Variants in AGT observed in about 807,000 individuals in gnomAD.
AGT encodes the protein alpha-1 antiproteinase, antitrypsin.
Under a neutral mutation model 28.1 loss-of-function variants are expected in AGT, and 26 were observed. The ratio of observed to expected loss-of-function variants is 0.92; its 90% CI spans 0.68 to 1.28. AGT has a LOEUF of 1.28. AGT is among the 50% of genes most tolerant of loss of function. The pLI is 0.00. For missense variants in AGT, 596 were observed against 592.3 expected (o/e 1.01, Z -0.06); for synonymous variants, 259 against 259.6 (o/e 1.00, Z 0.02).
At chr1:230,728,740 G>T (rs12136490) in intron 1 of AGT, among the ~76,000 whole-genome samples, 2,237 of 152,238 alleles carry the variant, frequency 0.015, 25 homozygotes, top group Non-Finnish European at 0.024. Flanking sequence ...GAAAAGGTTT[G>T]TGTGTACTCT....
chr1:230,719,684 G>A (rs1476745684), intron 1 of AGT, among the ~76,000 whole-genome samples: 1 of 152,144 alleles, frequency 6.6e-6, no homozygotes, highest in African/African-American at 2.4e-5. Flanking sequence ...CGGAATTACA[G>A]GCATGAGCCA....
intron 1 of AGT, among the ~76,000 whole-genome samples, chr1:230,740,843 G>A (rs1664235300): frequency 6.6e-6 from 1 of 152,152 alleles, no homozygotes; most frequent in South Asian, 2.1e-4. Context: ...TAGCTACTTG[G>A]GAGGCTGAGG....
intron 1 of AGT, 148 bp from the exon 2 acceptor site, chr1:230,711,001 A>G: frequency 8.9e-7 from 1 of 1,127,252 alleles, no homozygotes; most frequent in Non-Finnish European, 1.3e-6. Flanking sequence ...GAAGAAATGG[A>G]TTCAAAGCTC....
chr1:230,706,549 A>G (rs1663392559), intron 2 of AGT, among the ~76,000 whole-genome samples: 1 of 152,172 alleles, frequency 6.6e-6, no homozygotes, highest in Admixed American at 6.5e-5. Context: ...TCCTGACCCA[A>G]AGGCTGTGGT....
rs540939716 is a variant in AGT at position 230,709,531 on chromosome 1, T to C, written c.829+464A>G. ...GGGATTTAAGCAAGCCAATTGCTTATTTCTGCATGGGCCAGGGACCCCAGT... is the reference window on the plus strand; with the variant it reads ...GGGATTTAAGCAAGCCAATTGCTTACTTCTGCATGGGCCAGGGACCCCAGT... On this transcript the variant is annotated intron_variant, in intron 2 of 4. Coordinates refer to ENST00000366667, the MANE Select transcript of AGT (RefSeq NM_001384479.1). Among the ~76,000 whole-genome samples, 16 of 152,290 alleles carry C rather than the reference T, an allele frequency of 1.1e-4. No individual in the cohort carries two copies. In the South Asian group the frequency reaches 2.7e-3, roughly 26 times the overall value.
At chr1:230,741,045 C>T (rs954780655) in intron 1 of AGT, among the ~76,000 whole-genome samples, 1 of 152,178 alleles carries the variant, frequency 6.6e-6, no homozygotes, top group Admixed American at 6.5e-5. Flanking sequence ...TAGCATCAAC[C>T]TCCAGCTCCT....
chr1:230,706,395 C>G (rs781669408), intron 2 of AGT, among the ~76,000 whole-genome samples, 195 bp from the exon 3 acceptor site: 4 of 152,124 alleles, frequency 2.6e-5, no homozygotes, highest in Non-Finnish European at 5.9e-5. Flanking sequence ...CTGTAAAATG[C>G]AGCCATTTGA....
chr1:230,709,108 T>C (rs1663484652), intron 2 of AGT, among the ~76,000 whole-genome samples: 1 of 152,240 alleles, frequency 6.6e-6, no homozygotes, highest in Admixed American at 6.5e-5. Context: ...CTGAGTTACC[T>C]TGTGGAGCAC....
At chr1:230,709,081 A>G (rs1267005269) in intron 2 of AGT, among the ~76,000 whole-genome samples, 3 of 152,200 alleles carry the variant, frequency 2.0e-5, no homozygotes, top group South Asian at 4.1e-4. Flanking sequence ...CTGTCCTCTG[A>G]GAGCCCCGAG....
chr1:230,719,623 G>T (rs1214876076), intron 1 of AGT, among the ~76,000 whole-genome samples: 2 of 151,950 alleles, frequency 1.3e-5, no homozygotes, highest in Non-Finnish European at 2.9e-5. Flanking sequence ...TAGCCAGGGT[G>T]GTCTCGATCT....
At chr1:230,732,197 T>A (rs1318214923) in intron 1 of AGT, among the ~76,000 whole-genome samples, 2 of 152,218 alleles carry the variant, frequency 1.3e-5, no homozygotes, top group African/African-American at 2.4e-5. Flanking sequence ...GACAGAGTTT[T>A]GCTATATTGC....
intron 1 of AGT, among the ~76,000 whole-genome samples, chr1:230,745,347 C>A (rs1406978239): frequency 6.6e-6 from 1 of 152,216 alleles, no homozygotes; most frequent in African/African-American, 2.4e-5. Flanking sequence ...CTCTAGCAGG[C>A]AGCACCGATT....
intron 1 of AGT, among the ~76,000 whole-genome samples, chr1:230,726,763 G>A (rs1450998019): frequency 6.6e-6 from 1 of 152,090 alleles, no homozygotes; most frequent in Non-Finnish European, 1.5e-5. Context: ...GATCTGGAGA[G>A]GAATAACACT....
intron 1 of AGT, among the ~76,000 whole-genome samples, chr1:230,728,711 C>G (rs1446767432): frequency 6.6e-6 from 1 of 152,178 alleles, no homozygotes; most frequent in African/African-American, 2.4e-5. Flanking sequence ...GTGTCCACAG[C>G]AGCATACAGA....
upstream of AGT, among the ~76,000 whole-genome samples, chr1:230,715,731 C>G (rs79955305): frequency 6.6e-6 from 1 of 152,140 alleles, no homozygotes; most frequent in African/African-American, 2.4e-5. Flanking sequence ...TAAGCAACAA[C>G]CTTGTGCCCA....
chr1:230,731,271 G>T (rs1664049819), intron 1 of AGT, among the ~76,000 whole-genome samples: 1 of 152,166 alleles, frequency 6.6e-6, no homozygotes, highest in Admixed American at 6.5e-5. Flanking sequence ...TTTACCTAGT[G>T]CAGGGGTGGC....
intron 1 of AGT, among the ~76,000 whole-genome samples, chr1:230,728,516 G>A (rs183395348): frequency 3.3e-5 from 5 of 152,242 alleles, no homozygotes; most frequent in Admixed American, 2.0e-4. Context: ...GATCTCCTCC[G>A]CTGTCATAAT....
At chr1:230,742,399 T>A (rs750201171) in intron 1 of AGT, among the ~76,000 whole-genome samples, 5 of 152,180 alleles carry the variant, frequency 3.3e-5, no homozygotes, top group Non-Finnish European at 7.3e-5. Context: ...CACTGCAACC[T>A]CCACCTCCCG....
At chr1:230,705,082 G>T (rs990066721) in intron 3 of AGT, among the ~76,000 whole-genome samples, 1 of 151,878 alleles carries the variant, frequency 6.6e-6, no homozygotes, top group Non-Finnish European at 1.5e-5. Flanking sequence ...GGTGGTTGCC[G>T]GGGCCAAGGG....
Sources: allele counts gnomAD v4.1 joint callset (sites outside exome capture counted in the v4.1 genomes callset), GRCh38; gene constraint gnomAD v4.1.1; transcripts MANE v1.5; gene names NCBI Gene and HGNC (gene_info 2026-07-23, HGNC 2026-07-21).